The following NT5DC1 variants were observed in gnomAD, a reference collection of about 807,000 sequenced individuals.
The protein encoded by NT5DC1 is 5'-nucleotidase domain containing 1.
A neutral mutation model predicts 59.4 loss-of-function variants in NT5DC1; 42 were observed. The ratio of observed to expected loss-of-function variants is 0.71; its 90% confidence interval spans 0.55 to 0.92. The LOEUF is 0.92. Among genes scored for constraint, NT5DC1 ranks in the 40% least tolerant of loss-of-function variants. NT5DC1 has a pLI of 0.00. For missense variants in NT5DC1, 501 were observed against 537.1 expected (o/e 0.93, Z 0.66); for synonymous variants, 172 against 188.1 (o/e 0.91, Z 0.70).
At chr6:116,210,308 C>G (rs1480887108) in intron 6 of NT5DC1, among the ~76,000 whole-genome samples, 1 of 151,852 alleles carries the variant, frequency 6.6e-6, no homozygotes, top group East Asian at 1.9e-4. Flanking sequence ...ATTCTGAACT[C>G]TCACTTATTA....
At position 116,108,990 on chromosome 6, in the gene NT5DC1, C is replaced by A. The variant is rs1395430602; in HGVS notation, c.257+555C>A. ...CCACACTCCAGGCTGACTTTCTTTA[C>A]TTCTCTCCTCTCTGAGTGGGCCCAG... On this transcript the variant is annotated intron_variant, in intron 3 of 11. Transcript: ENST00000319550. 2.0e-5 allele frequency among the ~76,000 whole-genome samples: 3 copies of A among 152,166 alleles called. No homozygotes were observed. In the East Asian group the frequency reaches 5.8e-4, roughly 29 times the overall value.
intron 6 of NT5DC1, among the ~76,000 whole-genome samples, chr6:116,166,280 A>C (rs1295192572): frequency 6.6e-6 from 1 of 152,136 alleles, no homozygotes; most frequent in African/African-American, 2.4e-5. Flanking sequence ...CCATTCATCT[A>C]TGTCTTTGAT....
chr6:116,241,818 G>A (rs1393681003), intron 11 of NT5DC1, among the ~76,000 whole-genome samples: 1 of 150,696 alleles, frequency 6.6e-6, no homozygotes, highest in Non-Finnish European at 1.5e-5. Context: ...AGCTACTCAG[G>A]AGGCCGAGGC....
intron 6 of NT5DC1, among the ~76,000 whole-genome samples, chr6:116,175,390 T>C (rs192763463): frequency 6.6e-6 from 1 of 152,188 alleles, no homozygotes; most frequent in African/African-American, 2.4e-5. Context: ...TTGACTATGA[T>C]GTGGTAGATT....
At chr6:116,238,862 G>T in intron 10 of NT5DC1, 93 bp from the exon 11 acceptor site, 1 of 765,244 alleles carries the variant, frequency 1.3e-6, no homozygotes, top group South Asian at 1.7e-5. Context: ...TTCCTACAGG[G>T]TTTCAAAGTT....
intron 6 of NT5DC1, among the ~76,000 whole-genome samples, chr6:116,194,432 A>T (rs1339942086): frequency 2.0e-5 from 3 of 152,062 alleles, no homozygotes; most frequent in Non-Finnish European, 2.9e-5. Flanking sequence ...AAAAAATGGC[A>T]GTCAGAGGCT....
At chr6:116,227,669 G>A (rs1781935945) in intron 8 of NT5DC1, among the ~76,000 whole-genome samples, 1 of 152,046 alleles carries the variant, frequency 6.6e-6, no homozygotes, top group Non-Finnish European at 1.5e-5. Context: ...ATAGGTATGA[G>A]GTGATATCTC....
intron 4 of NT5DC1, among the ~76,000 whole-genome samples, chr6:116,113,092 C>A (rs1051102761): frequency 6.6e-6 from 1 of 152,206 alleles, no homozygotes; most frequent in Non-Finnish European, 1.5e-5. Flanking sequence ...AACTTATCTT[C>A]CCCAAATGGT....
chr6:116,206,844 T>C (rs1252443841), intron 6 of NT5DC1, among the ~76,000 whole-genome samples: 2 of 152,150 alleles, frequency 1.3e-5, no homozygotes, highest in East Asian at 1.9e-4. Context: ...TTTTTCTTCA[T>C]TGAATACACA....
chr6:116,143,635 G>A (rs946839816), intron 6 of NT5DC1, among the ~76,000 whole-genome samples: 1 of 152,120 alleles, frequency 6.6e-6, no homozygotes, highest in African/African-American at 2.4e-5. Flanking sequence ...GAATGAGAGT[G>A]TGCCATTTTT....
chr6:116,139,807 G>A (rs939989177), intron 6 of NT5DC1, among the ~76,000 whole-genome samples: 4 of 152,122 alleles, frequency 2.6e-5, no homozygotes, highest in African/African-American at 9.7e-5. Context: ...TCTTCAATGT[G>A]AGGGCCATTT....
rs541004049 is a variant in NT5DC1, at chr6:116,138,607, A to G, written c.529+20662A>G. 3.3e-5 allele frequency among the ~76,000 whole-genome samples: 5 copies of G among 152,114 alleles called. No homozygotes were observed. In the South Asian group the frequency reaches 6.2e-4, roughly 19 times the overall value. ...TTTTTATTTCGAAGAAGTGTCAAAC[A>G]TGCTTATTTTTTAGGACATCATGGC... On this transcript the variant is annotated intron_variant, in intron 6 of 11. Transcript: ENST00000319550.
intron 6 of NT5DC1, among the ~76,000 whole-genome samples, chr6:116,124,064 T>A (rs1779219441): frequency 6.6e-6 from 1 of 152,120 alleles, no homozygotes; most frequent in South Asian, 2.1e-4. Context: ...CTTTAAATTT[T>A]AAAATTTTTA....
intron 9 of NT5DC1, 67 bp from the exon 10 acceptor site, chr6:116,238,120 C>T: frequency 8.1e-7 from 1 of 1,230,170 alleles, no homozygotes; most frequent in Non-Finnish European, 1.1e-6. Flanking sequence ...TTTCTTCTTC[C>T]TTATATGAAA....
intron 4 of NT5DC1, among the ~76,000 whole-genome samples, chr6:116,114,939 G>T (rs1431769078): frequency 6.6e-6 from 1 of 152,212 alleles, no homozygotes; most frequent in African/African-American, 2.4e-5. Flanking sequence ...GTTTTGCCAA[G>T]GTGGGATGGT....
chr6:116,177,023 A>G lies in NT5DC1; in HGVS notation c.530-44031A>G, dbSNP rs145613128. Among the ~76,000 whole-genome samples the G allele has an allele frequency of 3.3e-5, 5 of 152,326 alleles. No individual in the cohort carries two copies. In the East Asian group the frequency reaches 9.6e-4, roughly 29 times the overall value. On this transcript the variant is annotated intron_variant, in intron 6 of 11. Coordinates refer to ENST00000319550, the MANE Select transcript of NT5DC1 (RefSeq NM_152729.3). ...AAGACTAGGGCACATATATGCTACA[A>G]AATGTCCAGAGAACTACAACTAAAA...
intron 1 of NT5DC1, 140 bp from the exon 2 acceptor site, chr6:116,106,104 A>C (rs1380464314): frequency 3.0e-6 from 2 of 677,484 alleles, no homozygotes; most frequent in Admixed American, 2.5e-5. Context: ...GGAGAATTAT[A>C]CTGCAGAACT....
intron 6 of NT5DC1, among the ~76,000 whole-genome samples, chr6:116,193,221 TA>T (rs1361844276): frequency 6.6e-6 from 1 of 152,112 alleles, no homozygotes; most frequent in Non-Finnish European, 1.5e-5. Context: ...TTTCACTGTT[TA>T]TTTTTTAAAA....
intron 6 of NT5DC1, chr6:116,158,670 C>G (rs115858510): frequency 1.9e-3 from 286 of 152,338 alleles, no homozygotes; most frequent in African/African-American, 6.5e-3. Flanking sequence ...TTAAAAGTCA[C>G]TACTTTGTCA....
Sources: allele counts gnomAD v4.1 joint callset (sites outside exome capture counted in the v4.1 genomes callset), GRCh38; gene constraint gnomAD v4.1.1; transcripts MANE v1.5; gene names NCBI Gene and HGNC (gene_info 2026-07-23, HGNC 2026-07-21).